The following AFAP1 variants were observed in gnomAD, a reference collection of about 807,000 sequenced individuals.
AFAP1 encodes the protein actin filament-associated protein 1.
A neutral mutation model predicts 93.9 loss-of-function variants in AFAP1; 75 were observed. The ratio of observed to expected loss-of-function variants is 0.80; its 90% CI spans 0.66 to 0.97. The LOEUF is 0.97. Among genes scored for constraint, AFAP1 ranks in the 50% least tolerant of loss-of-function variants. The pLI, the probability that AFAP1 is intolerant of heterozygous loss-of-function variation, is 0.00. For synonymous variants in AFAP1, 517 were observed against 430.7 expected (o/e 1.20, Z -2.48); for missense variants, 1,201 against 1,050.8 (o/e 1.14, Z -1.98).
rs1713959521 is a variant in AFAP1, at chr4:7,762,504, A to C, written c.*1261T>G. On this transcript the variant is annotated 3_prime_UTR_variant, in exon 18 of 18. Coordinates refer to ENST00000420658, the MANE Select transcript of AFAP1 (RefSeq NM_001134647.2). ...TGACAGCAGCCTCCGGGAGACCAAG[A>C]AGTTAATCTGATTTTTAAACCCAGG... The C allele has an allele frequency of 6.6e-6, 1 of 152,244 alleles. No individual in the cohort carries two copies. Among genetic ancestry groups the C allele is most frequent in the Admixed American group, 6.5e-5 (1 of 15,284 alleles). 9.4% of individuals were successfully genotyped at this position (152,244 alleles called of 1,614,324 possible). A position where few individuals can be genotyped will look rare whatever the true frequency, so the allele number is the denominator to read the frequency against.
chr4:7,892,838 G>C (rs1718547907), intron 1 of AFAP1, among the ~76,000 whole-genome samples: 1 of 152,130 alleles, frequency 6.6e-6, no homozygotes. Flanking sequence ...CGTGGGATGT[G>C]GTGGGGGAGC....
At chr4:7,808,973 C>A (rs184472808) in intron 9 of AFAP1, among the ~76,000 whole-genome samples, 4 of 152,294 alleles carry the variant, frequency 2.6e-5, no homozygotes, top group African/African-American at 9.6e-5. Context: ...AAACCTCTCT[C>A]TTTATGAATT....
chr4:7,778,181 G>C (rs1207050009), intron 14 of AFAP1: 1 of 155,200 alleles, frequency 6.4e-6, no homozygotes, highest in East Asian at 1.9e-4. Context: ...TTCTATGATG[G>C]GGTAGAGGAT....
intron 14 of AFAP1, 76 bp from the exon 15 acceptor site, chr4:7,774,979 A>T: frequency 6.5e-7 from 1 of 1,531,388 alleles, no homozygotes; most frequent in African/African-American, 1.4e-5. Context: ...CCTTCTCCAC[A>T]AAAAATACAA....
chr4:7,854,937 C>T (rs1714877597), intron 4 of AFAP1, among the ~76,000 whole-genome samples: 1 of 152,150 alleles, frequency 6.6e-6, no homozygotes, highest in Non-Finnish European at 1.5e-5. Context: ...ACCAGCAGGC[C>T]ACTAACTGGG....
chr4:7,819,650 G>A (rs74489230), intron 6 of AFAP1, among the ~76,000 whole-genome samples: 3,284 of 152,290 alleles, frequency 0.022, 123 homozygotes, highest in African/African-American at 0.066. Context: ...AAAGCCCTGC[G>A]GTGGATGTGA....
chr4:7,855,080 G>A (rs1456653141), intron 4 of AFAP1, among the ~76,000 whole-genome samples: 1 of 152,202 alleles, frequency 6.6e-6, no homozygotes, highest in Non-Finnish European at 1.5e-5. Flanking sequence ...CAGCCAACCT[G>A]GTGGAAACTG....
intron 15 of AFAP1, chr4:7,774,467 G>A (rs1229859061): frequency 1.3e-5 from 6 of 444,562 alleles, no homozygotes; most frequent in Non-Finnish European, 2.0e-5. Context: ...CCAGAAGCCG[G>A]AACAGGTCCC....
At position 7,766,939 on chromosome 4, in the gene AFAP1, G is replaced by A. The variant is rs368475776; in HGVS notation, c.2418+1905C>T. Among the ~76,000 whole-genome samples the A allele has an allele frequency of 1.9e-3, 283 of 151,920 alleles. 1 individual carries two copies. Among genetic ancestry groups the A allele is most frequent in the African/African-American group, 5.8e-3 (240 of 41,430 alleles). ...GAAGGTATTTCAGGAATACCGCAGC[G>A]GGCATAGCGCTTCCCACATCCGGAA... On this transcript the variant is annotated intron_variant, in intron 17 of 17. Coordinates refer to ENST00000420658, the MANE Select transcript of AFAP1 (RefSeq NM_001134647.2).
intron 6 of AFAP1, among the ~76,000 whole-genome samples, chr4:7,838,138 A>C (rs921713347): frequency 6.6e-6 from 1 of 152,236 alleles, no homozygotes; most frequent in African/African-American, 2.4e-5. Flanking sequence ...GCTGTATTTT[A>C]AGAAAATGGC....
chr4:7,852,919 G>A (rs1301165750), intron 4 of AFAP1, among the ~76,000 whole-genome samples: 1 of 152,164 alleles, frequency 6.6e-6, no homozygotes, highest in Admixed American at 6.5e-5. Flanking sequence ...GAATGGATGT[G>A]ACCCAAATGT....
intron 9 of AFAP1, among the ~76,000 whole-genome samples, chr4:7,805,386 C>T (rs1366590898): frequency 1.3e-5 from 2 of 152,210 alleles, no homozygotes; most frequent in Non-Finnish European, 2.9e-5. Context: ...TGGGGCCTTT[C>T]CTTTCTCTCA....
chr4:7,902,463 C>A (rs917987567), intron 1 of AFAP1, among the ~76,000 whole-genome samples: 5 of 152,140 alleles, frequency 3.3e-5, no homozygotes, highest in African/African-American at 1.2e-4. Flanking sequence ...TGCCTCAGCC[C>A]TAGACTGAGA....
intron 3 of AFAP1, among the ~76,000 whole-genome samples, chr4:7,862,736 A>G (rs1260123466): frequency 6.6e-6 from 1 of 152,164 alleles, no homozygotes; most frequent in South Asian, 2.1e-4. Context: ...AACATGATAT[A>G]ACCTCAGGCT....
chr4:7,923,360 T>C (rs773890439), intron 1 of AFAP1, among the ~76,000 whole-genome samples: 6 of 152,348 alleles, frequency 3.9e-5, no homozygotes, highest in Admixed American at 1.3e-4. Flanking sequence ...CTCTGGAGGC[T>C]GGAAGTCCAA....
In AFAP1 at chr4:7,844,599, C is replaced by T. The variant is rs547934839; in HGVS notation, c.335-1249G>A. ...CCCCCTGAAGAAAAGGAGACCATCT[C>T]GTTGGCGGTGATCTCCCCGGCACCT... is the stretch of plus-strand genomic sequence containing the variant. On this transcript the variant is annotated intron_variant, in intron 4 of 17. Coordinates refer to ENST00000420658, the MANE Select transcript of AFAP1 (RefSeq NM_001134647.2). 1.3e-3 allele frequency among the ~76,000 whole-genome samples: 196 copies of T among 152,352 alleles called. 1 individual carries two copies. The highest frequency in any genetic ancestry group is 6.8e-3 in the Middle Eastern group (2 of 294).
chr4:7,889,403 C>A (rs1488109218), intron 1 of AFAP1, among the ~76,000 whole-genome samples: 1 of 151,656 alleles, frequency 6.6e-6, no homozygotes, highest in Non-Finnish European at 1.5e-5. Context: ...AAAAAATTAG[C>A]CAGGCGTGGT....
At chr4:7,897,573 G>A (rs953533349) in intron 1 of AFAP1, among the ~76,000 whole-genome samples, 6 of 151,980 alleles carry the variant, frequency 3.9e-5, no homozygotes, top group African/African-American at 1.5e-4. Context: ...CACCCAGGCT[G>A]GAGGGCAATG....
chr4:7,786,338 C>A, intron 11 of AFAP1, 27 bp from the exon 12 acceptor site: 2 of 1,581,610 alleles, frequency 1.3e-6, no homozygotes, highest in South Asian at 1.1e-5. Flanking sequence ...GCGTTAAAAT[C>A]CATAACCTGA....
Sources: gnomAD v4.1 joint callset for allele counts (sites outside exome capture counted in the v4.1 genomes callset) on GRCh38, gnomAD v4.1.1 for gene constraint, MANE v1.5 for transcripts, NCBI Gene and HGNC (gene_info 2026-07-23, HGNC 2026-07-21) for gene names.